ST6GALNAC5: variants seen among roughly 807,000 people sequenced by gnomAD.
ST6GALNAC5 encodes ST6 N-acetylgalactosaminide alpha-2,6-sialyltransferase 5.
Under a neutral mutation model 33.6 loss-of-function variants are expected in ST6GALNAC5, and 27 were observed. The ratio of observed to expected loss-of-function variants is 0.80; its 90% confidence interval spans 0.59 to 1.11. ST6GALNAC5 has a LOEUF of 1.11. ST6GALNAC5 is among the 50% of genes least tolerant of loss of function. The probability of loss-of-function intolerance (pLI) is 0.00; values close to 1 mark genes in which losing one functional copy is unlikely to be tolerated. For synonymous variants in ST6GALNAC5, 194 were observed against 171.2 expected (o/e 1.13, Z -1.04); for missense variants, 428 against 454.0 (o/e 0.94, Z 0.52).
chr1:76,957,394 G>A (rs1016882818), intron 2 of ST6GALNAC5, among the ~76,000 whole-genome samples: 2 of 152,150 alleles, frequency 1.3e-5, no homozygotes, highest in Non-Finnish European at 2.9e-5. Flanking sequence ...GAATGCAATT[G>A]TATTGGATTT....
intron 2 of ST6GALNAC5, among the ~76,000 whole-genome samples, chr1:76,970,669 A>T (rs1466188076): frequency 6.6e-6 from 1 of 152,186 alleles, no homozygotes; most frequent in Non-Finnish European, 1.5e-5. Context: ...CCAACCTAGA[A>T]AGGCAGGCCA....
chr1:76,982,314 C>G (rs964640172), intron 2 of ST6GALNAC5, among the ~76,000 whole-genome samples: 2 of 152,048 alleles, frequency 1.3e-5, no homozygotes, highest in African/African-American at 4.8e-5. Context: ...AAGAGAAGAC[C>G]TTAAATGACC....
chr1:76,956,148 A>G (rs185642766), intron 2 of ST6GALNAC5, among the ~76,000 whole-genome samples: 17 of 152,304 alleles, frequency 1.1e-4, no homozygotes, highest in African/African-American at 4.1e-4. Context: ...ATCGTCTCCC[A>G]TACTTTGAAA....
In ST6GALNAC5 at chr1:76,886,906, A is replaced by T. The variant is rs540743747; in HGVS notation, c.261+18164A>T. 3.3e-5 allele frequency among the ~76,000 whole-genome samples: 5 copies of T among 152,326 alleles called. No homozygotes were observed. The East Asian group carries it at 9.6e-4, about 29-fold the overall frequency. ...CTTTGTTCCTCTTTAACACTGAATA[A>T]TATTCCATTGTATGGCTATACCGTA... On this transcript the variant is annotated intron_variant, in intron 2 of 4. Coordinates refer to ENST00000477717, the MANE Select transcript of ST6GALNAC5 (RefSeq NM_030965.3).
chr1:77,058,449 C>T (rs1288159174), intron 4 of ST6GALNAC5, among the ~76,000 whole-genome samples: 2 of 152,056 alleles, frequency 1.3e-5, no homozygotes, highest in Non-Finnish European at 2.9e-5. Context: ...CTATTTGCCC[C>T]CAACAGAGCT....
rs557344852 is a variant in ST6GALNAC5, at chr1:76,890,548, T to G, written c.261+21806T>G. ...ATTATGCTAGATTTTTACTTCAGTT[T>G]TTTTTTTTTTGAGCTCTGTGGAGTT... On this transcript the variant is annotated intron_variant, in intron 2 of 4. Transcript: ENST00000477717. 5.3e-5 allele frequency among the ~76,000 whole-genome samples: 8 copies of G among 151,856 alleles called. No homozygotes were observed. The South Asian group carries it at 1.7e-3, about 32-fold the overall frequency.
intron 4 of ST6GALNAC5, among the ~76,000 whole-genome samples, chr1:77,062,527 A>G (rs914404451): frequency 3.9e-5 from 6 of 152,188 alleles, no homozygotes; most frequent in Admixed American, 3.9e-4. Context: ...GAGAAGACTT[A>G]GAAGGGGAGC....
intron 2 of ST6GALNAC5, among the ~76,000 whole-genome samples, chr1:77,007,774 C>T (rs1391067499): frequency 1.3e-5 from 2 of 152,214 alleles, no homozygotes; most frequent in African/African-American, 2.4e-5. Flanking sequence ...CGTGGCTTGC[C>T]GTAAGGGCAA....
chr1:76,942,400 G>C (rs1647368053), intron 2 of ST6GALNAC5, among the ~76,000 whole-genome samples: 1 of 152,116 alleles, frequency 6.6e-6, no homozygotes, highest in South Asian at 2.1e-4. Context: ...ACTTGCAGTA[G>C]ATAAATCAGT....
intron 2 of ST6GALNAC5, among the ~76,000 whole-genome samples, chr1:76,890,316 C>G (rs1244594262): frequency 6.6e-6 from 1 of 152,116 alleles, no homozygotes; most frequent in African/African-American, 2.4e-5. Flanking sequence ...ACAAAACAGA[C>G]AAGTTTTCTT....
intron 2 of ST6GALNAC5, among the ~76,000 whole-genome samples, chr1:76,994,507 G>T (rs1649850764): frequency 6.6e-6 from 1 of 152,184 alleles, no homozygotes; most frequent in Non-Finnish European, 1.5e-5. Context: ...TAAATGAGAT[G>T]CATGTCTTTT....
At chr1:76,899,701 T>C (rs529743553) in intron 2 of ST6GALNAC5, among the ~76,000 whole-genome samples, 5 of 152,264 alleles carry the variant, frequency 3.3e-5, no homozygotes, top group Admixed American at 3.3e-4. Context: ...CCTTTGTCTC[T>C]ACCAGAAAAT....
intron 2 of ST6GALNAC5, among the ~76,000 whole-genome samples, chr1:76,974,904 G>A (rs1648943039): frequency 6.9e-6 from 1 of 144,058 alleles, no homozygotes; most frequent in African/African-American, 2.6e-5. Context: ...TCCTGCCTTA[G>A]CCTCCTGAGT....
At chr1:76,990,556 G>A (rs1374501112) in intron 2 of ST6GALNAC5, among the ~76,000 whole-genome samples, 1 of 152,130 alleles carries the variant, frequency 6.6e-6, no homozygotes, top group Non-Finnish European at 1.5e-5. Context: ...CTGGCTCCAA[G>A]GCTCTGTGCA....
chr1:77,023,346 C>T (rs1472825311), intron 2 of ST6GALNAC5, among the ~76,000 whole-genome samples: 2 of 152,322 alleles, frequency 1.3e-5, no homozygotes, highest in Non-Finnish European at 2.9e-5. Flanking sequence ...TTGCACATCC[C>T]TAGGTACAGC....
chr1:76,969,035 G>C (rs145742955), intron 2 of ST6GALNAC5, among the ~76,000 whole-genome samples: 1 of 152,166 alleles, frequency 6.6e-6, no homozygotes, highest in East Asian at 1.9e-4. Flanking sequence ...TTTCAACCTT[G>C]GAGAATCTGA....
intron 2 of ST6GALNAC5, among the ~76,000 whole-genome samples, chr1:77,011,909 G>A (rs868089434): frequency 3.9e-5 from 6 of 151,928 alleles, no homozygotes; most frequent in East Asian, 1.9e-4. Flanking sequence ...ATACATTATC[G>A]CAATTAATCT....
chr1:77,006,047 T>G (rs1438496063), intron 2 of ST6GALNAC5, among the ~76,000 whole-genome samples: 2 of 152,220 alleles, frequency 1.3e-5, no homozygotes, highest in African/African-American at 4.8e-5. Flanking sequence ...TTTCAGTTTT[T>G]TCTATATATC....
intron 3 of ST6GALNAC5, among the ~76,000 whole-genome samples, chr1:77,047,931 T>TA (rs1652071176): frequency 6.6e-6 from 1 of 152,212 alleles, no homozygotes; most frequent in African/African-American, 2.4e-5. Context: ...TGATTAAGTG[T>TA]AAAAACAGTA....
Sources: gnomAD v4.1 joint callset for allele counts (sites outside exome capture counted in the v4.1 genomes callset) on GRCh38, gnomAD v4.1.1 for gene constraint, MANE v1.5 for transcripts, NCBI Gene and HGNC (gene_info 2026-07-23, HGNC 2026-07-21) for gene names.